Variants in RPL18A observed in about 807,000 individuals in gnomAD.
RPL18A encodes large ribosomal subunit protein eL20.
For missense variants in RPL18A, 163 were observed against 254.1 expected, an observed-to-expected ratio of 0.64 and a Z score of 2.44; for synonymous variants, 122 against 96.9, an observed-to-expected ratio of 1.26 and a Z score of -1.52.
chr19:17,862,645 A>G lies in RPL18A; in HGVS notation c.329-273A>G, dbSNP rs200362995. ...ATAGCGGTGGTTTAAACAGAGGTGC[A>G]AACAGCAAGCGGATCTTGTCGCCTT... is the stretch of plus-strand genomic sequence containing the variant. On this transcript the variant is annotated intron_variant, in intron 3 of 4. Coordinates refer to ENST00000222247, the MANE Select transcript of RPL18A (RefSeq NM_000980.4). 3.2e-4 allele frequency: 236 copies of G among 737,018 alleles called. 3 individuals are homozygous for G. Among genetic ancestry groups the G allele is most frequent in the South Asian group, 1.9e-3 (141 of 73,516 alleles). The allele number at this position is 737,018 out of a possible 1,614,324, so 45.7% of individuals were successfully genotyped here. A position where few individuals can be genotyped will look rare whatever the true frequency, so the allele number is the denominator to read the frequency against.
chr19:17,863,217 A>G lies in RPL18A; in HGVS notation c.485A>G (p.Gln162Arg), dbSNP rs768644834. The G allele has an allele frequency of 1.9e-6, 3 of 1,611,624 alleles. No individual in the cohort carries two copies. The Admixed American group carries it at 5.0e-5, about 27-fold the overall frequency. Reference sequence around the variant, plus strand: ...CTGCCCCACCGGGTCCTGCGCCGTCAGCACAAGCCACGCTTCACCACCAAG... The same window carrying G: ...CTGCCCCACCGGGTCCTGCGCCGTCGGCACAAGCCACGCTTCACCACCAAG... ...FPLPHRVLRR[Q>R]HKPRFTTKRP... Residue 162 changes from glutamine to arginine, a missense_variant, in exon 5 of 5, where the codon CAG (glutamine) becomes CGG (arginine). Gln to Arg is a conservative substitution (Grantham distance 43). Coordinates refer to ENST00000222247, the MANE Select transcript of RPL18A (RefSeq NM_000980.4).
At position 17,859,993 on chromosome 19, in the gene RPL18A, G is replaced by C. The variant is rs1308707872; in HGVS notation, c.18+19G>C. On this transcript the variant is annotated intron_variant, in intron 1 of 4. Transcript: ENST00000222247. ...GGGCACGGTAAGGCGGGCGCGGCGC[G>C]GCAGGGGGCCAAGGGATGGGGCACG... 1.3e-6 allele frequency: 2 copies of C among 1,515,266 alleles called. No homozygotes were observed. Among genetic ancestry groups the C allele is most frequent in the Admixed American group, 4.5e-5 (2 of 44,262 alleles). 93.9% of individuals were successfully genotyped at this position (1,515,266 alleles called of 1,614,324 possible).
intron 2 of RPL18A, chr19:17,861,853 C>T (rs1190249125): frequency 1.1e-5 from 6 of 568,768 alleles, no homozygotes; most frequent in Non-Finnish European, 1.9e-5. Flanking sequence ...GCATCTGGGG[C>T]TGGGTTGGTG....
chr19:17,862,070 C>T (rs1467943884), intron 2 of RPL18A, 24 bp from the exon 3 acceptor site: 1 of 1,609,746 alleles, frequency 6.2e-7, no homozygotes, highest in Non-Finnish European at 8.5e-7. Flanking sequence ...GCTCTCACAT[C>T]TCCCTGTGGC....
Position 17,861,435 on chromosome 19 carries a change from T to C in RPL18A, c.161T>C (p.Met54Thr). 6.2e-7 allele frequency: 1 copy of C among 1,604,260 alleles called. No homozygotes were observed. The highest frequency in any genetic ancestry group is 8.5e-7 in the Non-Finnish European group (1 of 1,173,960). Residue 54 changes from methionine to threonine, a missense_variant, in exon 2 of 5, where the codon ATG becomes ACG. Physicochemically the swap from Met to Thr is moderately conservative, Grantham distance 81. Coordinates refer to ENST00000222247, the MANE Select transcript of RPL18A (RefSeq NM_000980.4). ...FWYFVSQLKK[M>T]KKSSGEIVYC... ...TACTTTGTATCTCAGTTAAAGAAGA[T>C]GAAGAAGTCTTCAGGGGAGATTGTC...
At chr19:17,862,776 C>G in intron 3 of RPL18A, 142 bp from the exon 4 acceptor site, 2 of 762,170 alleles carry the variant, frequency 2.6e-6, no homozygotes, top group Non-Finnish European at 4.8e-6. Flanking sequence ...TTCCCCACCA[C>G]CACCTTCCCG....
intron 1 of RPL18A, chr19:17,860,976 A>G (rs1043525801): frequency 1.1e-5 from 4 of 365,212 alleles, no homozygotes; most frequent in Middle Eastern, 1.6e-3. Context: ...AAAGCAATTC[A>G]GGACTGCAGC....
chr19:17,861,803 T>G, intron 2 of RPL18A: 1 of 538,244 alleles, frequency 1.9e-6, no homozygotes, highest in East Asian at 3.2e-5. Context: ...GGTAGCTAGG[T>G]TGGCCCAGAC....
chr19:17,860,026 T>C, intron 1 of RPL18A, 52 bp downstream of exon 1: 1 of 1,456,174 alleles, frequency 6.9e-7, no homozygotes, highest in South Asian at 1.4e-5. Flanking sequence ...ACGGGCCCCA[T>C]CAGGGGCCTG....
intron 2 of RPL18A, 25 bp downstream of exon 2, chr19:17,861,497 G>C: frequency 6.5e-7 from 1 of 1,546,966 alleles, no homozygotes; most frequent in Non-Finnish European, 8.8e-7. Context: ...GGGCTACGTG[G>C]GGTCTGGAGT....
In RPL18A at chr19:17,863,318, T is replaced by C. The variant is rs1304970009; in HGVS notation, c.*55T>C. On this transcript the variant is annotated 3_prime_UTR_variant, in exon 5 of 5. Coordinates refer to ENST00000222247, the MANE Select transcript of RPL18A (RefSeq NM_000980.4). ...AATAAACTCAGGAACGCCCCGGTGC[T>C]CGCCGCATGTTTTCTTTGCACACTG... 5 of 1,262,018 alleles carry C rather than the reference T, an allele frequency of 4.0e-6. No individual in the cohort carries two copies. The highest frequency in any genetic ancestry group is 4.5e-6 in the Non-Finnish European group (4 of 880,914). 78.2% of individuals were successfully genotyped at this position (1,262,018 alleles called of 1,614,324 possible).
At position 17,862,295 on chromosome 19, in the gene RPL18A, C is replaced by T. The variant is rs2094278891; in HGVS notation, c.328+72C>T. On this transcript the variant is annotated intron_variant, in intron 3 of 4. Transcript: ENST00000222247. ...CCTCACACTGAGGCAGGGCAAGTGC[C>T]AGAGGTTCCCAGTGCAGGAGAGTCT... The T allele has an allele frequency of 4.5e-6, 7 of 1,551,872 alleles. No individual in the cohort carries two copies. In the South Asian group the frequency reaches 5.8e-5, roughly 13 times the overall value.
At chr19:17,863,131 G>C in intron 4 of RPL18A, 40 bp from the exon 5 acceptor site, 1 of 1,579,326 alleles carries the variant, frequency 6.3e-7, no homozygotes, top group Non-Finnish European at 8.7e-7. Context: ...GGGGTGTTAA[G>C]AGGCTTCCAA....
chr19:17,863,225 C>A lies in RPL18A; in HGVS notation c.493C>A (p.Pro165Thr). ...PHRVLRRQHK[P>T]RFTTKRPNTF... Reference sequence around the variant, plus strand: ...CCGGGTCCTGCGCCGTCAGCACAAGCCACGCTTCACCACCAAGAGGCCCAA... The same window carrying A: ...CCGGGTCCTGCGCCGTCAGCACAAGACACGCTTCACCACCAAGAGGCCCAA... Residue 165 changes from proline to threonine, a missense_variant, in exon 5 of 5, where the codon CCA becomes ACA. By Grantham distance (38) the Pro-to-Thr change is conservative. Coordinates refer to ENST00000222247, the MANE Select transcript of RPL18A (RefSeq NM_000980.4). 6.2e-7 allele frequency: 1 copy of A among 1,609,698 alleles called. No homozygotes were observed. The highest frequency in any genetic ancestry group is 8.5e-7 in the Non-Finnish European group (1 of 1,177,768).
rs1287428812 is a variant in RPL18A, at chr19:17,862,899, G to T, written c.329-19G>T. 1.9e-6 allele frequency: 3 copies of T among 1,570,806 alleles called. No homozygotes were observed. The East Asian group carries it at 6.7e-5, about 35-fold the overall frequency. On this transcript the variant is annotated intron_variant, in intron 3 of 4. Coordinates refer to ENST00000222247, the MANE Select transcript of RPL18A (RefSeq NM_000980.4). Reference sequence around the variant, plus strand: ...GAGCCCAGGCAACACCGTCACCCTGGCCCCGCTCCTTTCCACAGACCGAGA... The same window carrying T: ...GAGCCCAGGCAACACCGTCACCCTGTCCCCGCTCCTTTCCACAGACCGAGA...
intron 1 of RPL18A, 59 bp from the exon 2 acceptor site, chr19:17,861,234 G>A: frequency 4.6e-6 from 7 of 1,507,026 alleles, no homozygotes; most frequent in Non-Finnish European, 6.4e-6. Flanking sequence ...AGGGAGTGAG[G>A]TGGATCTCCA....
intron 3 of RPL18A, chr19:17,862,429 C>T (rs1599896501): frequency 1.5e-6 from 1 of 686,408 alleles, no homozygotes; most frequent in Non-Finnish European, 2.6e-6. Context: ...CATCTGGAAA[C>T]TCCCTTTTTG....
chr19:17,861,129 C>G (rs188371354), intron 1 of RPL18A, 164 bp from the exon 2 acceptor site: 3 of 615,772 alleles, frequency 4.9e-6, no homozygotes, highest in Middle Eastern at 4.2e-4. Flanking sequence ...AAGTTGTGGT[C>G]GGGAGTGTGA....
chr19:17,861,067 C>T, intron 1 of RPL18A: 1 of 550,536 alleles, frequency 1.8e-6, no homozygotes, highest in Admixed American at 3.3e-5. Flanking sequence ...AGGCAGGCAA[C>T]TCAATTAATC....
Sources: gnomAD v4.1 joint callset for allele counts on GRCh38, gnomAD v4.1.1 for gene constraint, MANE v1.5 for transcripts, NCBI Gene and HGNC (gene_info 2026-07-23, HGNC 2026-07-21) for gene names.